The following DYNC1I1 variants were observed in gnomAD, a reference collection of about 807,000 sequenced individuals.
DYNC1I1 encodes dynein cytoplasmic 1 intermediate chain 1, also known as cytoplasmic dynein 1 intermediate chain 1.
A neutral mutation model predicts 86.6 loss-of-function variants in DYNC1I1; 43 were observed. That is an observed-to-expected ratio of 0.50 (90% CI 0.39 to 0.64). The LOEUF (loss-of-function observed/expected upper bound fraction) is 0.64. Among genes scored for constraint, DYNC1I1 ranks in the 30% least tolerant of loss-of-function variants. DYNC1I1 has a pLI of 0.00. For missense variants in DYNC1I1, 604 were observed against 788.8 expected, an observed-to-expected ratio of 0.77 and a Z score of 2.81; for synonymous variants, 262 against 283.7, an observed-to-expected ratio of 0.92 and a Z score of 0.77.
At position 96,063,695 on chromosome 7, in the gene DYNC1I1, C is replaced by A. The variant is rs1789862761; in HGVS notation, c.1510-12362C>A. On this transcript the variant is annotated intron_variant, in intron 14 of 16. Transcript: ENST00000447467. ...TTAATCTTAATTATTTCTTTAAAGA[C>A]CTTACCTCCACAAACAACAGTCTCA... Among the ~76,000 whole-genome samples, 5 of 152,288 alleles carry A rather than the reference C, an allele frequency of 3.3e-5. No homozygotes were observed. In the South Asian group the frequency reaches 1.0e-3, roughly 32 times the overall value.
At chr7:96,054,223 G>T (rs1789501911) in intron 14 of DYNC1I1, among the ~76,000 whole-genome samples, 1 of 152,046 alleles carries the variant, frequency 6.6e-6, no homozygotes, top group Admixed American at 6.6e-5. Flanking sequence ...ACTTATGAGT[G>T]AGAACATGCG....
At chr7:95,790,471 A>C (rs1400446145) in intron 1 of DYNC1I1, among the ~76,000 whole-genome samples, 1 of 152,150 alleles carries the variant, frequency 6.6e-6, no homozygotes, top group Non-Finnish European at 1.5e-5. Flanking sequence ...GTCTTCCTCC[A>C]TTCTGATTTG....
chr7:95,929,010 C>T (rs1009960941), intron 6 of DYNC1I1, among the ~76,000 whole-genome samples: 6 of 152,146 alleles, frequency 3.9e-5, no homozygotes, highest in African/African-American at 1.2e-4. Context: ...AGATACTCCT[C>T]GTTTGAAGAT....
chr7:95,794,874 G>T (rs1240859318), intron 1 of DYNC1I1, among the ~76,000 whole-genome samples: 1 of 152,136 alleles, frequency 6.6e-6, no homozygotes, highest in Non-Finnish European at 1.5e-5. Flanking sequence ...TACCCAATAT[G>T]AATAAAATTG....
intron 1 of DYNC1I1, among the ~76,000 whole-genome samples, chr7:95,799,376 C>T (rs1288898865): frequency 6.6e-6 from 1 of 151,818 alleles, no homozygotes; most frequent in Non-Finnish European, 1.5e-5. Flanking sequence ...AAGACTCTGT[C>T]CCAGAAAAAA....
chr7:95,883,932 T>A (rs1169744976), intron 6 of DYNC1I1, among the ~76,000 whole-genome samples: 3 of 152,242 alleles, frequency 2.0e-5, no homozygotes, highest in Non-Finnish European at 4.4e-5. Context: ...AGTTTATGTT[T>A]TTTTAATGAA....
chr7:96,062,977 T>A (rs1584290416), intron 14 of DYNC1I1, among the ~76,000 whole-genome samples: 1 of 152,174 alleles, frequency 6.6e-6, no homozygotes, highest in East Asian at 1.9e-4. Context: ...CCACTCTCCA[T>A]CCATATTTGT....
chr7:96,024,771 C>T (rs1402788503), intron 10 of DYNC1I1, among the ~76,000 whole-genome samples: 1 of 152,086 alleles, frequency 6.6e-6, no homozygotes, highest in Non-Finnish European at 1.5e-5. Context: ...GTAGTGTCAA[C>T]CAATTTTTCT....
At chr7:95,980,939 G>C (rs926528903) in intron 7 of DYNC1I1, among the ~76,000 whole-genome samples, 4 of 152,180 alleles carry the variant, frequency 2.6e-5, no homozygotes, top group African/African-American at 7.2e-5. Flanking sequence ...TTTATGAACT[G>C]ATTTCACTGT....
Position 95,787,408 on chromosome 7 carries a change from G to T in DYNC1I1, c.-10+14635G>T, listed in dbSNP as rs149028184. Among the ~76,000 whole-genome samples, 575 of 152,262 alleles carry T rather than the reference G, an allele frequency of 3.8e-3. 2 individuals are homozygous for T. The highest frequency in any genetic ancestry group is 0.013 in the African/African-American group (557 of 41,554). ...ATGTTAATACATTCAAAAGGACTGG[G>T]AAGGGAGGCAGAATCTAGGTGTGGC... On this transcript the variant is annotated intron_variant, in intron 1 of 16. Coordinates refer to ENST00000447467, the MANE Select transcript of DYNC1I1 (RefSeq NM_001135556.2).
chr7:95,807,584 T>G (rs1794731772), intron 2 of DYNC1I1, among the ~76,000 whole-genome samples: 1 of 152,128 alleles, frequency 6.6e-6, no homozygotes, highest in Non-Finnish European at 1.5e-5. Context: ...TGGACTACAT[T>G]CTTTCTTGTC....
At chr7:96,003,861 T>C (rs1414042384) in intron 10 of DYNC1I1, among the ~76,000 whole-genome samples, 1 of 152,200 alleles carries the variant, frequency 6.6e-6, no homozygotes, top group Non-Finnish European at 1.5e-5. Context: ...TTTAAAAATA[T>C]AGCTTTTTCT....
intron 6 of DYNC1I1, among the ~76,000 whole-genome samples, chr7:95,887,201 G>A (rs997539860): frequency 2.6e-5 from 4 of 152,114 alleles, no homozygotes; most frequent in African/African-American, 7.2e-5. Flanking sequence ...TGGGCTTCAC[G>A]AACCCCAGGG....
chr7:96,057,351 A>G (rs569820349), intron 14 of DYNC1I1, among the ~76,000 whole-genome samples: 2 of 152,138 alleles, frequency 1.3e-5, no homozygotes, highest in South Asian at 2.1e-4. Flanking sequence ...GAAGTTAAAG[A>G]AAAAAAATGT....
At chr7:96,000,346 G>A (rs1793979120) in intron 10 of DYNC1I1, among the ~76,000 whole-genome samples, 1 of 152,166 alleles carries the variant, frequency 6.6e-6, no homozygotes, top group Non-Finnish European at 1.5e-5. Context: ...GAAAACAGAA[G>A]AGGAAACCTC....
chr7:95,843,439 C>G (rs1467150547), intron 5 of DYNC1I1, among the ~76,000 whole-genome samples: 2 of 152,164 alleles, frequency 1.3e-5, no homozygotes, highest in African/African-American at 4.8e-5. Flanking sequence ...AATGCTGTAA[C>G]TTGGGGCAGT....
chr7:95,830,916 G>C (rs929017380), intron 5 of DYNC1I1, among the ~76,000 whole-genome samples: 2 of 152,120 alleles, frequency 1.3e-5, no homozygotes, highest in Non-Finnish European at 2.9e-5. Context: ...TATTATTAAA[G>C]AAGTATAGTG....
At chr7:95,817,451 T>C (rs989385012) in intron 4 of DYNC1I1, among the ~76,000 whole-genome samples, 1 of 152,156 alleles carries the variant, frequency 6.6e-6, no homozygotes, top group Non-Finnish European at 1.5e-5. Context: ...CCCCATAAGG[T>C]TATTGTGAGG....
chr7:95,817,682 TA>T (rs1794977701), intron 4 of DYNC1I1, among the ~76,000 whole-genome samples: 2 of 152,214 alleles, frequency 1.3e-5, no homozygotes, highest in South Asian at 4.1e-4. Context: ...ATAAAATTAT[TA>T]AACATGACAA....
Sources: gnomAD v4.1 joint callset for allele counts (sites outside exome capture counted in the v4.1 genomes callset) on GRCh38, gnomAD v4.1.1 for gene constraint, MANE v1.5 for transcripts, NCBI Gene and HGNC (gene_info 2026-07-23, HGNC 2026-07-21) for gene names.